Variants in CPEB2 observed in about 807,000 individuals in gnomAD.
CPEB2 encodes the protein cytoplasmic polyadenylation element-binding protein 2.
Under a neutral mutation model 93.6 loss-of-function variants are expected in CPEB2, and 56 were observed. The ratio of observed to expected loss-of-function variants is 0.60; its 90% confidence interval spans 0.48 to 0.75. CPEB2 has a LOEUF of 0.75. Ranked by LOEUF, CPEB2 falls within the 30% of genes least tolerant of loss-of-function variation. CPEB2 has a pLI of 0.00. For missense variants in CPEB2, 1,579 were observed against 1,395.1 expected, an observed-to-expected ratio of 1.13 and a Z score of -2.10; for synonymous variants, 764 against 586.3, an observed-to-expected ratio of 1.30 and a Z score of -4.38.
chr4:15,020,207 A>G (rs575208194), intron 4 of CPEB2, among the ~76,000 whole-genome samples: 3 of 152,214 alleles, frequency 2.0e-5, no homozygotes, highest in African/African-American at 7.2e-5. Context: ...GTCTCATACC[A>G]TCATTTCCAC....
intron 5 of CPEB2, among the ~76,000 whole-genome samples, chr4:15,039,686 T>C (rs1726988714): frequency 6.6e-6 from 1 of 152,134 alleles, no homozygotes; most frequent in African/African-American, 2.4e-5. Context: ...ATAGGAATTA[T>C]GTCACTGCAA....
Position 15,004,207 on chromosome 4 carries a change from C to T in CPEB2, c.1534C>T (p.Pro512Ser), listed in dbSNP as rs1056733245. 24 of 1,492,826 alleles carry T rather than the reference C, an allele frequency of 1.6e-5. No individual in the cohort carries two copies. The highest frequency in any genetic ancestry group is 2.0e-5 in the Non-Finnish European group (23 of 1,127,520). The allele number at this position is 1,492,826 out of a possible 1,614,324, so 92.5% of individuals were successfully genotyped here. ...PPAMNIPQQQPPPPAAPQQPQ... is the reference protein window; with the variant it reads ...PPAMNIPQQQSPPPAAPQQPQ... ...CGCCATGAATATACCTCAACAGCAG[C>T]CCCCGCCGCCCGCGGCGCCGCAGCA... Residue 512 changes from proline to serine, a missense_variant, in exon 1 of 12, where the codon CCC (proline) becomes TCC (serine). By Grantham distance (74) the Pro-to-Ser change is moderately conservative. Transcript: ENST00000538197.
chr4:15,036,505 T>C (rs573849545), intron 5 of CPEB2, among the ~76,000 whole-genome samples: 1 of 152,300 alleles, frequency 6.6e-6, no homozygotes, highest in East Asian at 1.9e-4. Flanking sequence ...GTATAAATCC[T>C]AAACACTTTT....
intron 6 of CPEB2, among the ~76,000 whole-genome samples, chr4:15,044,859 ATAGGGGATAGCCATTAT>A (rs1279526893): frequency 6.6e-6 from 1 of 152,192 alleles, no homozygotes; most frequent in Admixed American, 6.5e-5. Context: ...ACCAGAGACC[ATAGGGGATAGCCATTAT>A]TCTCGTTTTG....
Position 15,002,849 on chromosome 4 carries a change from T to TAA in CPEB2, c.177_178insAA (p.Glu60LysfsTer43). On this transcript the variant is annotated frameshift_variant, in exon 1 of 12. Transcript: ENST00000538197. LOFTEE classifies it high-confidence loss of function. The stretch of plus-strand genomic sequence containing the variant: ...CCACCGTTGCCTGTCACCGGCTTCT[T>TAA]AGAGGCCGCCTCCCCCTTCTCCGTC... 6.5e-7 allele frequency: 1 copy of TAA among 1,534,670 alleles called. No individual in the cohort carries two copies. The highest frequency in any genetic ancestry group is 2.5e-5 in the East Asian group (1 of 40,730).
chr4:15,052,393 T>C, intron 6 of CPEB2, 21 bp from the exon 7 acceptor site: 1 of 1,395,158 alleles, frequency 7.2e-7, no homozygotes, highest in Non-Finnish European at 9.5e-7. Context: ...AGATTCAAGT[T>C]GTATTTGTTC....
At chr4:15,044,888 TCTTC>T (rs1318610062) in intron 6 of CPEB2, among the ~76,000 whole-genome samples, 7 of 152,328 alleles carry the variant, frequency 4.6e-5, no homozygotes, top group African/African-American at 1.7e-4. Flanking sequence ...CTCGTTTTGC[TCTTC>T]CTTCTCTTAT....
chr4:15,059,518 A>G (rs2604582), intron 10 of CPEB2, among the ~76,000 whole-genome samples: 16,560 of 152,066 alleles, frequency 0.11, 1,898 homozygotes, highest in African/African-American at 0.28. Context: ...TTATCTATCA[A>G]TATTAGTGCA....
chr4:15,033,309 T>C, intron 5 of CPEB2, 98 bp downstream of exon 5: 3 of 758,342 alleles, frequency 4.0e-6, no homozygotes, highest in South Asian at 1.6e-5. Flanking sequence ...AATTTAATCA[T>C]TCTATGAGCA....
chr4:15,064,675 G>C (rs1212562936), intron 11 of CPEB2, among the ~76,000 whole-genome samples: 3 of 152,090 alleles, frequency 2.0e-5, no homozygotes, highest in Non-Finnish European at 4.4e-5. Flanking sequence ...CTTCGTGCTA[G>C]ATATTCTTCT....
Position 15,003,946 on chromosome 4 carries a change from AC to A in CPEB2, c.1275del (p.Thr426ProfsTer32). ...GCCGCAGCCGCCCGGCTCGTCTGCC[AC>A]CACCCCGGGCGGCGGCAGCGGCGGC... Reference protein sequence around the residue: ...PQPQPPGSSATTPGGGSGGSL... With the variant: ...PQPQPPGSSAXTPGGGSGGSL... On this transcript the variant is annotated frameshift_variant, in exon 1 of 12. Coordinates refer to ENST00000538197, the MANE Select transcript of CPEB2 (RefSeq NM_001177382.2). LOFTEE classifies it high-confidence loss of function. The A allele has an allele frequency of 8.1e-7, 1 of 1,233,034 alleles. No homozygotes were observed. Among genetic ancestry groups the A allele is most frequent in the Non-Finnish European group, 1.1e-6 (1 of 950,174 alleles). The allele number at this position is 1,233,034 out of a possible 1,614,324, so 76.4% of individuals were successfully genotyped here. A position where few individuals can be genotyped will look rare whatever the true frequency, so the allele number is the denominator to read the frequency against.
At position 15,003,057 on chromosome 4, in the gene CPEB2, C is replaced by G. The variant is rs757980816; in HGVS notation, c.384C>G (p.Ile128Met). The G allele has an allele frequency of 1.3e-6, 2 of 1,520,060 alleles. No homozygotes were observed. The highest frequency in any genetic ancestry group is 2.2e-5 in the Admixed American group (1 of 46,026). 94.2% of individuals were successfully genotyped at this position (1,520,060 alleles called of 1,614,324 possible). A position where few individuals can be genotyped will look rare whatever the true frequency, so the allele number is the denominator to read the frequency against. Residue 128 changes from isoleucine to methionine, a missense_variant, in exon 1 of 12, where the codon ATC becomes ATG. Ile to Met is a conservative substitution (Grantham distance 10, BLOSUM62 1). Around this residue, in one of 2 missense-constraint regions of CPEB2, gnomAD observed 1,411 missense variants for 1,056.0 expected, o/e 1.34. Transcript: ENST00000538197. ...LPDHHPGGGT[I>M]AGVTHLLPSQ... ...ACCACCACCCCGGCGGCGGCACGAT[C>G]GCGGGTGTGACCCACCTCCTCCCCT...
intron 6 of CPEB2, among the ~76,000 whole-genome samples, chr4:15,047,916 T>G (rs1028064720): frequency 7.0e-6 from 1 of 143,008 alleles, no homozygotes; most frequent in African/African-American, 2.8e-5. Flanking sequence ...GAGTTGTGGT[T>G]TTTTTTTTTT....
intron 4 of CPEB2, among the ~76,000 whole-genome samples, chr4:15,032,007 T>C (rs1726164598): frequency 6.6e-6 from 1 of 152,214 alleles, no homozygotes; most frequent in South Asian, 2.1e-4. Flanking sequence ...GCTAGCATAT[T>C]ATTTTGTTTT....
At chr4:15,010,852 G>A (rs1265876959) in intron 3 of CPEB2, among the ~76,000 whole-genome samples, 2 of 152,136 alleles carry the variant, frequency 1.3e-5, no homozygotes, top group African/African-American at 4.8e-5. Flanking sequence ...CTTGGATACC[G>A]CGGGCTTTAC....
In CPEB2 at chr4:15,003,087, G is replaced by C; in HGVS notation, c.414G>C (p.Gln138His). The change falls in exon 1 of 12, where the codon CAG becomes CAC. Residue 138 changes from glutamine to histidine, a missense_variant. Physicochemically the swap from Gln to His is conservative, Grantham distance 24. Around this residue, in one of 2 missense-constraint regions of CPEB2, gnomAD observed 1,411 missense variants for 1,056.0 expected, o/e 1.34. Coordinates refer to ENST00000538197, the MANE Select transcript of CPEB2 (RefSeq NM_001177382.2). The stretch of plus-strand genomic sequence containing the variant: ...GTGTGACCCACCTCCTCCCCTCCCA[G>C]GACTTCAAACCGAGTCTGCACCACC... ...IAGVTHLLPSQDFKPSLHHPS... is the reference protein window; with the variant it reads ...IAGVTHLLPSHDFKPSLHHPS... The C allele has an allele frequency of 6.5e-7, 1 of 1,532,454 alleles. No individual in the cohort carries two copies. The highest frequency in any genetic ancestry group is 8.7e-7 in the Non-Finnish European group (1 of 1,145,776). The allele number at this position is 1,532,454 out of a possible 1,614,324, so 94.9% of individuals were successfully genotyped here. A position where few individuals can be genotyped will look rare whatever the true frequency, so the allele number is the denominator to read the frequency against.
In CPEB2 at chr4:15,043,892, A is replaced by G. The variant is rs551731305; in HGVS notation, c.2200+3405A>G. Among the ~76,000 whole-genome samples the G allele has an allele frequency of 1.1e-3, 162 of 152,220 alleles. 1 individual carries two copies. The highest frequency in any genetic ancestry group is 4.6e-3 in the South Asian group (22 of 4,826). On this transcript the variant is annotated intron_variant, in intron 6 of 11. Transcript: ENST00000538197. ...TTAATTAGAGAAGTTTGATTTATTCATAGTGTATAGTCATTCAGACTTACG... is the reference window on the plus strand; with the variant it reads ...TTAATTAGAGAAGTTTGATTTATTCGTAGTGTATAGTCATTCAGACTTACG...
intron 6 of CPEB2, among the ~76,000 whole-genome samples, chr4:15,050,275 T>C (rs1728101836): frequency 6.6e-6 from 1 of 152,168 alleles, no homozygotes; most frequent in Admixed American, 6.5e-5. Flanking sequence ...CTAGGTTGTG[T>C]GCTCCTTATG....
chr4:15,056,752 T>A (rs1312537717), intron 8 of CPEB2, among the ~76,000 whole-genome samples: 1 of 152,182 alleles, frequency 6.6e-6, no homozygotes, highest in Non-Finnish European at 1.5e-5. Flanking sequence ...TGTACGTAAG[T>A]TTCCTTTGCA....
Sources: gnomAD v4.1 joint callset for allele counts (sites outside exome capture counted in the v4.1 genomes callset) on GRCh38, gnomAD v4.1.1 for gene constraint, gnomAD v4.1.1 regional missense constraint, MANE v1.5 for transcripts, NCBI Gene and HGNC (gene_info 2026-07-23, HGNC 2026-07-21) for gene names.